MDFIC: variants seen among roughly 807,000 people sequenced by gnomAD.
MDFIC encodes the protein myoD family inhibitor domain-containing protein.
Under a neutral mutation model 23.2 loss-of-function variants are expected in MDFIC, and 17 were observed. That is an observed-to-expected ratio of 0.73 (90% confidence interval 0.50 to 1.10). The LOEUF (loss-of-function observed/expected upper bound fraction) is 1.10. Ranked by LOEUF, MDFIC falls within the 50% of genes least tolerant of loss-of-function variation. The pLI is 0.00. For missense variants in MDFIC, 356 were observed against 316.6 expected (o/e 1.12, Z -0.95); for synonymous variants, 120 against 115.2 (o/e 1.04, Z -0.27).
At chr7:114,964,114 G>A (rs1174246726) in intron 3 of MDFIC, among the ~76,000 whole-genome samples, 1 of 151,900 alleles carries the variant, frequency 6.6e-6, no homozygotes, top group Admixed American at 6.6e-5. Context: ...TCTACTGTTG[G>A]AATACAGAAT....
At chr7:114,985,035 T>C (rs1793485637) in intron 4 of MDFIC, among the ~76,000 whole-genome samples, 1 of 152,186 alleles carries the variant, frequency 6.6e-6, no homozygotes, top group African/African-American at 2.4e-5. Flanking sequence ...TTTTTATTTT[T>C]AATCACATAG....
chr7:115,009,672 G>A (rs1054416161), intron 4 of MDFIC, among the ~76,000 whole-genome samples: 5 of 152,162 alleles, frequency 3.3e-5, no homozygotes, highest in Non-Finnish European at 5.9e-5. Flanking sequence ...TTACTTTAAT[G>A]CTGTTGAGAT....
intron 3 of MDFIC, among the ~76,000 whole-genome samples, chr7:114,979,200 T>C (rs1035477411): frequency 6.6e-6 from 1 of 152,200 alleles, no homozygotes; most frequent in Non-Finnish European, 1.5e-5. Context: ...TGAATGAGTC[T>C]TAAATTACCT....
chr7:114,974,850 T>C (rs1793278009), intron 3 of MDFIC, among the ~76,000 whole-genome samples: 1 of 152,064 alleles, frequency 6.6e-6, no homozygotes, highest in African/African-American at 2.4e-5. Flanking sequence ...AAGTGCAGTA[T>C]TTCTTAAGTC....
chr7:114,945,347 G>A (rs1255013664), intron 3 of MDFIC, among the ~76,000 whole-genome samples: 1 of 152,164 alleles, frequency 6.6e-6, no homozygotes, highest in Non-Finnish European at 1.5e-5. Flanking sequence ...GGCCTCATAA[G>A]GGATATTCAC....
At chr7:114,984,705 A>G (rs909614395) in intron 4 of MDFIC, among the ~76,000 whole-genome samples, 1 of 152,244 alleles carries the variant, frequency 6.6e-6, no homozygotes, top group Non-Finnish European at 1.5e-5. Context: ...AGTATAATTT[A>G]GTATCATATA....
intron 4 of MDFIC, among the ~76,000 whole-genome samples, chr7:114,989,666 C>A (rs562654508): frequency 6.6e-6 from 1 of 152,064 alleles, no homozygotes; most frequent in Non-Finnish European, 1.5e-5. Context: ...AAGTATTTAC[C>A]GAATTGTTAA....
rs145872153 is a variant in MDFIC, at chr7:114,942,359, C to T, written c.179C>T (p.Ser60Phe). ...HFTHGEMQDQSIWGNPSDGEL... is the reference protein window; with the variant it reads ...HFTHGEMQDQFIWGNPSDGEL... ...ACACATGGAGAGATGCAAGACCAGT[C>T]CATTTGGGGAAATCCTTCGGATGGT... Residue 60 changes from serine to phenylalanine, a missense_variant, in exon 3 of 5, where the codon TCC becomes TTC. By Grantham distance (155) the Ser-to-Phe change is radical (BLOSUM62 -2). Coordinates refer to ENST00000393486, the MANE Select transcript of MDFIC (RefSeq NM_001166345.3). 503 of 1,604,188 alleles carry T rather than the reference C, an allele frequency of 3.1e-4. 1 individual carries two copies. In the African/African-American group the frequency reaches 5.9e-3, roughly 19 times the overall value.
intron 4 of MDFIC, among the ~76,000 whole-genome samples, chr7:115,000,781 G>A (rs2116079260): frequency 6.6e-6 from 1 of 152,300 alleles, no homozygotes; most frequent in South Asian, 2.1e-4. Context: ...ACGCCAGGAT[G>A]CAGAAGAATG....
intron 3 of MDFIC, among the ~76,000 whole-genome samples, chr7:114,963,681 T>A (rs1239104019): frequency 6.6e-6 from 1 of 152,190 alleles, no homozygotes; most frequent in Non-Finnish European, 1.5e-5. Context: ...GTTCCAGCCA[T>A]CTACCAGCCT....
At chr7:114,988,533 T>A (rs1793550822) in intron 4 of MDFIC, among the ~76,000 whole-genome samples, 1 of 152,112 alleles carries the variant, frequency 6.6e-6, no homozygotes, top group Non-Finnish European at 1.5e-5. Flanking sequence ...TACTTTAGAG[T>A]TTCAGGATTA....
intron 2 of MDFIC, among the ~76,000 whole-genome samples, chr7:114,938,891 T>A (rs1792485901): frequency 6.6e-6 from 1 of 152,160 alleles, no homozygotes; most frequent in African/African-American, 2.4e-5. Context: ...ATTTCAGAAA[T>A]AACATGAAAA....
intron 4 of MDFIC, among the ~76,000 whole-genome samples, chr7:114,991,337 G>C (rs1304295142): frequency 6.6e-6 from 1 of 152,102 alleles, no homozygotes; most frequent in Admixed American, 6.6e-5. Context: ...TTGCTGTGCA[G>C]AAGCTCTTTA....
At chr7:114,938,761 G>A (rs112146987) in intron 2 of MDFIC, among the ~76,000 whole-genome samples, 635 of 147,498 alleles carry the variant, frequency 4.3e-3, no homozygotes, top group Non-Finnish European at 7.0e-3. Flanking sequence ...ATATGTGACT[G>A]AAATCAACTG....
At chr7:114,952,232 G>A (rs922455093) in intron 3 of MDFIC, among the ~76,000 whole-genome samples, 2 of 152,118 alleles carry the variant, frequency 1.3e-5, no homozygotes, top group African/African-American at 4.8e-5. Flanking sequence ...TGAAACAATC[G>A]CCATGGGCAA....
chr7:114,984,135 A>C (rs1166186609), intron 4 of MDFIC, among the ~76,000 whole-genome samples: 2 of 152,172 alleles, frequency 1.3e-5, no homozygotes, highest in Non-Finnish European at 2.9e-5. Flanking sequence ...AATTTATCAG[A>C]CATTTCAACA....
At chr7:114,967,849 A>G (rs201306326) in intron 3 of MDFIC, among the ~76,000 whole-genome samples, 2 of 88,134 alleles carry the variant, frequency 2.3e-5, no homozygotes, top group African/African-American at 4.5e-5. Flanking sequence ...TTTTTTTTTA[A>G]TTTTGATGGA....
intron 2 of MDFIC, among the ~76,000 whole-genome samples, chr7:114,935,685 A>G (rs1792411505): frequency 6.6e-6 from 1 of 152,110 alleles, no homozygotes; most frequent in Non-Finnish European, 1.5e-5. Context: ...ATCAGAATAT[A>G]TAGGTATAGG....
At chr7:114,959,824 C>CTAATAATAATAA (rs56917725) in intron 3 of MDFIC, among the ~76,000 whole-genome samples, 478 of 145,590 alleles carry the variant, frequency 3.3e-3, no homozygotes, top group East Asian at 0.018. Flanking sequence ...TCTAAATAGA[C>CTAATAATAATAA]TAATAATAAT....
Sources: gnomAD v4.1 joint callset for allele counts (sites outside exome capture counted in the v4.1 genomes callset) on GRCh38, gnomAD v4.1.1 for gene constraint, MANE v1.5 for transcripts, NCBI Gene and HGNC (gene_info 2026-07-23, HGNC 2026-07-21) for gene names.